RIN3: variants seen among roughly 807,000 people sequenced by gnomAD.
RIN3 encodes RAB5 interacting protein 3.
RIN3 carries 54 observed loss-of-function variants against 76.3 expected under a neutral mutation model. The ratio of observed to expected loss-of-function variants is 0.71; its 90% CI spans 0.57 to 0.89. RIN3 has a LOEUF of 0.89. Among genes scored for constraint, RIN3 ranks in the 40% least tolerant of loss-of-function variants. The pLI is 0.00. For synonymous variants in RIN3, 576 were observed against 564.0 expected, an observed-to-expected ratio of 1.02 and a Z score of -0.30; for missense variants, 1,256 against 1,322.1, an observed-to-expected ratio of 0.95 and a Z score of 0.78.
chr14:92,626,304 C>T (rs1306508574), intron 4 of RIN3, among the ~76,000 whole-genome samples: 1 of 152,164 alleles, frequency 6.6e-6, no homozygotes, highest in Non-Finnish European at 1.5e-5. Flanking sequence ...GTGAATCATC[C>T]CCCTTTCTTC....
chr14:92,576,408 C>A, intron 2 of RIN3: 1 of 1,289,494 alleles, frequency 7.8e-7, no homozygotes, highest in South Asian at 1.2e-5. Flanking sequence ...TAGAGCACAG[C>A]TGCGTCCTCA....
intron 7 of RIN3, among the ~76,000 whole-genome samples, chr14:92,668,831 G>A (rs1381150454): frequency 6.6e-6 from 1 of 152,226 alleles, no homozygotes; most frequent in African/African-American, 2.4e-5. Flanking sequence ...CCCACCCTGA[G>A]TCAACCAGAG....
At chr14:92,654,150 C>T (rs1047013426) in intron 6 of RIN3, among the ~76,000 whole-genome samples, 2 of 151,948 alleles carry the variant, frequency 1.3e-5, no homozygotes, top group Non-Finnish European at 2.9e-5. Context: ...CCCATCTCTA[C>T]TAAAAATACA....
intron 2 of RIN3, among the ~76,000 whole-genome samples, chr14:92,574,903 G>A (rs1316262157): frequency 6.6e-6 from 1 of 152,098 alleles, no homozygotes; most frequent in Non-Finnish European, 1.5e-5. Context: ...AGGATCTAGA[G>A]TTGAAGGTCC....
intron 1 of RIN3, among the ~76,000 whole-genome samples, chr14:92,525,253 C>G (rs1356421332): frequency 1.3e-5 from 2 of 152,236 alleles, no homozygotes; most frequent in Non-Finnish European, 2.9e-5. Flanking sequence ...GCCGGCAGCA[C>G]AATGGGCGCT....
intron 4 of RIN3, among the ~76,000 whole-genome samples, chr14:92,622,140 C>T (rs2140110641): frequency 6.6e-6 from 1 of 152,268 alleles, no homozygotes; most frequent in East Asian, 1.9e-4. Flanking sequence ...AATATGGGGG[C>T]CAAGCAGCCA....
chr14:92,629,473 G>T (rs907409037), intron 4 of RIN3, among the ~76,000 whole-genome samples: 1 of 152,218 alleles, frequency 6.6e-6, no homozygotes, highest in Non-Finnish European at 1.5e-5. Context: ...GATTCCATTG[G>T]TTACTTGGGG....
chr14:92,555,421 G>C (rs867856987), intron 1 of RIN3, among the ~76,000 whole-genome samples: 20 of 152,100 alleles, frequency 1.3e-4, no homozygotes, highest in African/African-American at 4.6e-4. Flanking sequence ...GCCTACTGTT[G>C]ACAGTTCTGT....
chr14:92,561,418 C>T (rs1313581930), intron 2 of RIN3, among the ~76,000 whole-genome samples: 1 of 151,764 alleles, frequency 6.6e-6, no homozygotes, highest in Non-Finnish European at 1.5e-5. Context: ...AACATATTGG[C>T]CCATTTGTTC....
chr14:92,621,236 A>AAAAAAAAAAAAAAG, intron 4 of RIN3, among the ~76,000 whole-genome samples: 1 of 27,260 alleles, frequency 3.7e-5, no homozygotes, highest in African/African-American at 1.5e-4. Flanking sequence ...ACTCCGTCTC[A>AAAAAAAAAAAAAAG]AAAAAAAAAA....
chr14:92,599,419 G>C (rs1347606273), intron 3 of RIN3, among the ~76,000 whole-genome samples: 1 of 152,168 alleles, frequency 6.6e-6, no homozygotes, highest in Non-Finnish European at 1.5e-5. Context: ...GGCCTGGTTG[G>C]CAGAAATGGC....
intron 7 of RIN3, among the ~76,000 whole-genome samples, chr14:92,676,199 G>A (rs1691563542): frequency 2.0e-5 from 3 of 151,944 alleles, no homozygotes; most frequent in Admixed American, 6.6e-5. Context: ...TCATGGAGAG[G>A]GAGGACTAGG....
intron 7 of RIN3, among the ~76,000 whole-genome samples, chr14:92,670,960 C>A (rs1048428223): frequency 5.9e-5 from 9 of 152,192 alleles, no homozygotes; most frequent in African/African-American, 2.2e-4. Context: ...CAGCACATCA[C>A]TTTCTAAGGC....
intron 3 of RIN3, among the ~76,000 whole-genome samples, chr14:92,601,340 G>A (rs776344545): frequency 2.0e-5 from 3 of 152,092 alleles, no homozygotes; most frequent in South Asian, 4.1e-4. Flanking sequence ...TGTCAGAACC[G>A]CCCAAGGCCA....
intron 1 of RIN3, among the ~76,000 whole-genome samples, chr14:92,543,477 G>A (rs1461153723): frequency 6.6e-6 from 1 of 152,118 alleles, no homozygotes; most frequent in African/African-American, 2.4e-5. Context: ...GTTAGGGTTA[G>A]GCTCTCAAAA....
chr14:92,526,010 G>A (rs563253159), intron 1 of RIN3, among the ~76,000 whole-genome samples: 5 of 152,254 alleles, frequency 3.3e-5, no homozygotes, highest in East Asian at 1.9e-4. Context: ...AGGTAAACTC[G>A]TGGTGGGGGT....
chr14:92,674,203 G>A (rs1237483076), intron 7 of RIN3, among the ~76,000 whole-genome samples: 2 of 152,196 alleles, frequency 1.3e-5, no homozygotes, highest in African/African-American at 2.4e-5. Context: ...TCCACAGCTG[G>A]TGAGTAGTAG....
chr14:92,544,960 A>T (rs927649591), intron 1 of RIN3, among the ~76,000 whole-genome samples: 1 of 152,118 alleles, frequency 6.6e-6, no homozygotes, highest in African/African-American at 2.4e-5. Context: ...ATGTATCCAC[A>T]AACAGGTATA....
intron 2 of RIN3, among the ~76,000 whole-genome samples, chr14:92,572,057 G>A (rs1210229958): frequency 1.3e-5 from 2 of 152,232 alleles, no homozygotes; most frequent in Non-Finnish European, 2.9e-5. Context: ...AGGAAGGAAA[G>A]TACACTTGGA....
Sources: allele counts gnomAD v4.1 joint callset (sites outside exome capture counted in the v4.1 genomes callset), GRCh38; gene constraint gnomAD v4.1.1; transcripts MANE v1.5; gene names NCBI Gene and HGNC (gene_info 2026-07-23, HGNC 2026-07-21).